The following MEGF11 variants were observed in gnomAD, a reference collection of about 807,000 sequenced individuals.
MEGF11 encodes the protein multiple epidermal growth factor-like domains protein 11.
MEGF11 carries 126 observed loss-of-function variants against 146.6 expected under a neutral mutation model. The ratio of observed to expected loss-of-function variants is 0.86; its 90% CI spans 0.74 to 1.00. The LOEUF is 1.00. MEGF11 is among the 50% of genes least tolerant of loss of function. The pLI, the probability that MEGF11 is intolerant of heterozygous loss-of-function variation, is 0.00. For synonymous variants in MEGF11, 532 were observed against 583.4 expected (o/e 0.91, Z 1.27); for missense variants, 1,509 against 1,521.2 (o/e 0.99, Z 0.13).
intron 10 of MEGF11, among the ~76,000 whole-genome samples, chr15:65,933,591 G>C (rs1454316301): frequency 6.6e-6 from 1 of 152,216 alleles, no homozygotes; most frequent in Non-Finnish European, 1.5e-5. Flanking sequence ...ACAGTCCTGG[G>C]AGGCCACTGG....
At chr15:66,147,543 A>C (rs1408925668) in intron 1 of MEGF11, among the ~76,000 whole-genome samples, 2 of 152,214 alleles carry the variant, frequency 1.3e-5, no homozygotes, top group Non-Finnish European at 2.9e-5. Flanking sequence ...GGCCAGAGGA[A>C]GGGGCACACA....
At chr15:66,045,319 G>C (rs173006) in intron 5 of MEGF11, among the ~76,000 whole-genome samples, 148,986 of 152,290 alleles carry the variant, frequency 0.98, 72,963 homozygotes, top group Middle Eastern at 1. Context: ...TAGAACCCAG[G>C]AGGGCTTTTG....
In MEGF11 at chr15:65,915,586, C is replaced by T. The variant is rs766920353; in HGVS notation, c.2357G>A (p.Gly786Glu). 6.2e-7 allele frequency: 1 copy of T among 1,613,788 alleles called. No individual in the cohort carries two copies. Among genetic ancestry groups the T allele is most frequent in the Non-Finnish European group, 8.5e-7 (1 of 1,179,856 alleles). Residue 786 changes from glycine to glutamate, a missense_variant, in exon 19 of 26, where the codon GGA becomes GAA. Transcript: ENST00000395614. ...CTGCTGACACCCATAGCCAAAGGTT[C>T]CTGGGGCACATCCTGTGTGGCACAA... ...GQHCEQRCAP[G>E]TFGYGCQQLC...
At chr15:65,992,451 G>GTGTGTGGGGC (rs772342790) in intron 5 of MEGF11, among the ~76,000 whole-genome samples, 21 of 17,898 alleles carry the variant, frequency 1.2e-3, no homozygotes, top group African/African-American at 2.5e-3. Context: ...GTGTGTGTGT[G>GTGTGTGGGGC]GGGGGGGGGG....
intron 1 of MEGF11, among the ~76,000 whole-genome samples, chr15:66,225,934 T>G (rs972669855): frequency 2.0e-5 from 3 of 152,314 alleles, no homozygotes; most frequent in South Asian, 4.1e-4. Context: ...CACACTCACA[T>G]GAACACACAT....
At chr15:65,964,035 G>A (rs2080966866) in intron 9 of MEGF11, among the ~76,000 whole-genome samples, 1 of 152,216 alleles carries the variant, frequency 6.6e-6, no homozygotes, top group South Asian at 2.1e-4. Context: ...TAGGCCTGAG[G>A]GAGAAGGGAT....
chr15:65,917,303 A>G (rs989669901), intron 16 of MEGF11, among the ~76,000 whole-genome samples: 3 of 152,110 alleles, frequency 2.0e-5, no homozygotes, highest in Non-Finnish European at 2.9e-5. Context: ...GTGTTTCCCC[A>G]TGAGAATGGG....
At chr15:65,916,711 C>T in intron 17 of MEGF11, 117 bp downstream of exon 17, 1 of 1,517,958 alleles carries the variant, frequency 6.6e-7, no homozygotes, top group Non-Finnish European at 8.9e-7. Context: ...TCAGGTACCA[C>T]CAGTCCTGGG....
In MEGF11 at chr15:65,909,006, G is replaced by C. The variant is rs537376248; in HGVS notation, c.2998+28C>G. On this transcript the variant is annotated intron_variant, in intron 23 of 25. Coordinates refer to ENST00000395614, the MANE Select transcript of MEGF11 (RefSeq NM_001385028.1). The stretch of plus-strand genomic sequence containing the variant: ...GGTGCTGGGTCTGGTCTGGCATGAG[G>C]GGGTGGAGGGTAGGGCTGGGGTCTG... 41 of 1,436,318 alleles carry C rather than the reference G, an allele frequency of 2.9e-5. No homozygotes were observed. The African/African-American group carries it at 4.8e-4, about 17-fold the overall frequency. 89.0% of individuals were successfully genotyped at this position (1,436,318 alleles called of 1,614,324 possible).
chr15:66,155,522 A>G (rs2089725349), intron 1 of MEGF11, among the ~76,000 whole-genome samples: 1 of 152,116 alleles, frequency 6.6e-6, no homozygotes, highest in Non-Finnish European at 1.5e-5. Flanking sequence ...TTATACAGGG[A>G]CCACTCCCAA....
At chr15:65,951,194 A>G (rs2080389265) in intron 10 of MEGF11, among the ~76,000 whole-genome samples, 1 of 152,216 alleles carries the variant, frequency 6.6e-6, no homozygotes, top group Admixed American at 6.5e-5. Flanking sequence ...GGAAGGCTTC[A>G]TGGAAGAGGC....
intron 6 of MEGF11, 146 bp from the exon 7 acceptor site, chr15:65,981,044 G>C (rs1261446255): frequency 9.3e-7 from 1 of 1,074,388 alleles, no homozygotes; most frequent in Non-Finnish European, 1.3e-6. Flanking sequence ...CCTGCTCCCT[G>C]CCAGGAGGGG....
intron 7 of MEGF11, among the ~76,000 whole-genome samples, chr15:65,975,842 T>G (rs1049095716): frequency 6.6e-6 from 1 of 152,094 alleles, no homozygotes; most frequent in African/African-American, 2.4e-5. Flanking sequence ...AGGTGGCACA[T>G]GGTGGGAGCC....
chr15:66,240,424 G>A (rs1484855463), intron 1 of MEGF11, among the ~76,000 whole-genome samples: 2 of 152,222 alleles, frequency 1.3e-5, no homozygotes, highest in East Asian at 1.9e-4. Flanking sequence ...ACGAAGGGAC[G>A]CAGGCCTGTT....
chr15:65,913,490 A>C, intron 20 of MEGF11: 1 of 585,974 alleles, frequency 1.7e-6, no homozygotes, highest in African/African-American at 1.9e-5. Flanking sequence ...AAGGATAGGG[A>C]AGCTCTGGGA....
intron 5 of MEGF11, among the ~76,000 whole-genome samples, chr15:66,069,943 C>T (rs1445669962): frequency 2.0e-5 from 3 of 152,188 alleles, no homozygotes; most frequent in Non-Finnish European, 4.4e-5. Context: ...TTTATAAAAG[C>T]AGGCAATGGA....
intron 1 of MEGF11, among the ~76,000 whole-genome samples, chr15:66,141,276 GT>G (rs2089145192): frequency 1.5e-5 from 2 of 134,388 alleles, no homozygotes; most frequent in African/African-American, 5.3e-5. Flanking sequence ...GTGTGTGTGT[GT>G]GTGTGTGTGT....
chr15:65,914,113 T>G, intron 19 of MEGF11, 140 bp from the exon 20 acceptor site: 1 of 647,940 alleles, frequency 1.5e-6, no homozygotes, highest in Non-Finnish European at 2.7e-6. Flanking sequence ...AGTCCCTATG[T>G]GACTACCCCC....
intron 15 of MEGF11, among the ~76,000 whole-genome samples, chr15:65,919,893 A>G (rs1298388426): frequency 6.6e-6 from 1 of 151,622 alleles, no homozygotes; most frequent in Non-Finnish European, 1.5e-5. Context: ...ACAGATGTGA[A>G]CCACTGCACC....
Sources: gnomAD v4.1 joint callset for allele counts (sites outside exome capture counted in the v4.1 genomes callset) on GRCh38, gnomAD v4.1.1 for gene constraint, MANE v1.5 for transcripts, NCBI Gene and HGNC (gene_info 2026-07-23, HGNC 2026-07-21) for gene names.